NAV2: variants seen among roughly 807,000 people sequenced by gnomAD.
The protein encoded by NAV2 is helicase, APC down-regulated 1.
In NAV2, 54 loss-of-function variants were observed where a neutral mutation model predicts 223.2. That is an observed-to-expected ratio of 0.24 (90% CI 0.19 to 0.30). The LOEUF is 0.30. Among genes scored for constraint, NAV2 ranks in the 10% least tolerant of loss-of-function variants. The probability of loss-of-function intolerance (pLI) is 1.00; values close to 1 mark genes in which losing one functional copy is unlikely to be tolerated. For missense variants in NAV2, 2,806 were observed against 3,147.5 expected, an observed-to-expected ratio of 0.89 and a Z score of 2.60; for synonymous variants, 1,279 against 1,239.3, an observed-to-expected ratio of 1.03 and a Z score of -0.67.
intron 11 of NAV2, among the ~76,000 whole-genome samples, chr11:20,026,454 G>T (rs2055084125): frequency 6.6e-6 from 1 of 151,992 alleles, no homozygotes; most frequent in Admixed American, 6.5e-5. Context: ...AGGACTACAG[G>T]TGCCTGCCAC....
chr11:20,113,361 C>T (rs1291799306), intron 36 of NAV2, among the ~76,000 whole-genome samples: 6 of 152,164 alleles, frequency 3.9e-5, no homozygotes, highest in Non-Finnish European at 8.8e-5. Context: ...GTGTAATATA[C>T]AGAGCCTCGT....
chr11:19,654,951 G>T (rs552743168), intron 1 of NAV2, among the ~76,000 whole-genome samples: 18 of 152,136 alleles, frequency 1.2e-4, no homozygotes, highest in Non-Finnish European at 2.5e-4. Flanking sequence ...AGAGTGAACA[G>T]GCAACCTACA....
At chr11:19,397,156 C>A (rs1458608481) in intron 1 of NAV2, among the ~76,000 whole-genome samples, 2 of 152,114 alleles carry the variant, frequency 1.3e-5, no homozygotes, top group Non-Finnish European at 2.9e-5. Flanking sequence ...TTCTTAGCTG[C>A]TTAGAGGTCC....
At chr11:19,840,630 C>T (rs915684950) in intron 2 of NAV2, among the ~76,000 whole-genome samples, 10 of 152,136 alleles carry the variant, frequency 6.6e-5, no homozygotes, top group African/African-American at 2.4e-4. Flanking sequence ...GGTCAGAGCT[C>T]ATGCCTGCCA....
chr11:19,846,158 A>G (rs2060795431), intron 3 of NAV2, among the ~76,000 whole-genome samples: 1 of 152,232 alleles, frequency 6.6e-6, no homozygotes, highest in African/African-American at 2.4e-5. Context: ...GAGGATTCCA[A>G]GTGGAGACAG....
At chr11:19,517,953 C>A (rs1271312339) in intron 1 of NAV2, among the ~76,000 whole-genome samples, 2 of 152,214 alleles carry the variant, frequency 1.3e-5, no homozygotes, top group East Asian at 3.9e-4. Context: ...ACTATGTTTG[C>A]TGGGAACAAC....
chr11:19,933,937 C>A lies in NAV2; in HGVS notation c.1693C>A (p.Pro565Thr). Reference sequence around the variant, plus strand: ...CATGGCCCCTTCCCACAGTGGAATACCAAAACCAGGAATGAAAAGCATGCC... The same window carrying A: ...CATGGCCCCTTCCCACAGTGGAATAACAAAACCAGGAATGAAAAGCATGCC... ...EPMAPSHSGI[P>T]KPGMKSMPGK... Residue 565 changes from proline (P) to threonine (T), a missense_variant, in exon 7 of 38, where the codon CCA (proline) becomes ACA (threonine). By Grantham distance (38) the Pro-to-Thr change is conservative. This residue lies in a region of NAV2 where 1,167 missense variants were observed against 1,180.5 expected (regional missense o/e 0.99). Transcript: ENST00000349880. This position sits in a 1 kb window ranked among gnomAD's most constrained non-coding sequence, Gnocchi z 4.3. 1.3e-6 allele frequency: 2 copies of A among 1,594,740 alleles called. No individual in the cohort carries two copies. Among genetic ancestry groups the A allele is most frequent in the Admixed American group, 1.8e-5 (1 of 55,996 alleles).
At chr11:19,369,597 C>G (rs80155556) in intron 1 of NAV2, among the ~76,000 whole-genome samples, 2,832 of 152,192 alleles carry the variant, frequency 0.019, 76 homozygotes, top group African/African-American at 0.065. Context: ...TTTCTTTGAG[C>G]TAGGTGCCCT....
chr11:20,044,395 G>A, intron 13 of NAV2, 123 bp downstream of exon 13: 1 of 862,486 alleles, frequency 1.2e-6, no homozygotes, highest in Non-Finnish European at 1.7e-6. Flanking sequence ...CTAACAACGA[G>A]CTTCCATAAA....
chr11:20,024,996 T>C (rs1202419058), intron 11 of NAV2, among the ~76,000 whole-genome samples: 1 of 152,240 alleles, frequency 6.6e-6, no homozygotes, highest in African/African-American at 2.4e-5. Flanking sequence ...AGTTCTGAGT[T>C]CTTATATGAC....
At chr11:19,850,999 A>G (rs2061086676) in intron 3 of NAV2, among the ~76,000 whole-genome samples, 1 of 152,158 alleles carries the variant, frequency 6.6e-6, no homozygotes, top group Non-Finnish European at 1.5e-5. Flanking sequence ...ACACAGTAGC[A>G]CCTTTGTCCC....
At chr11:20,085,663 C>T (rs915344501) in intron 26 of NAV2, among the ~76,000 whole-genome samples, 1 of 152,230 alleles carries the variant, frequency 6.6e-6, no homozygotes, top group African/African-American at 2.4e-5. Context: ...CACTCCAAAC[C>T]CAGTGCAGAT....
At chr11:19,882,088 G>A (rs2063249598) in intron 5 of NAV2, among the ~76,000 whole-genome samples, 2 of 152,196 alleles carry the variant, frequency 1.3e-5, no homozygotes, top group Non-Finnish European at 2.9e-5. Context: ...AGGAAGCCAT[G>A]GGAAAGTCTT....
chr11:19,944,479 TCCTTTCCCCTTTCC>T lies in NAV2; in HGVS notation c.2147-1914_2147-1901del, dbSNP rs539011701. Among the ~76,000 whole-genome samples the T allele has an allele frequency of 8.1e-3, 1,235 of 151,720 alleles. 15 individuals carry two copies. The highest frequency in any genetic ancestry group is 0.029 in the African/African-American group (1,189 of 41,302). Reference sequence around the variant, plus strand: ...TCTCTTTCTTTCTTTTCTCTTCTTCTCCTTTCCCCTTTCCCCTTTCCTCTTTCCCCTTTCCCCTT... The same window carrying T: ...TCTCTTTCTTTCTTTTCTCTTCTTCTCCTTTCCTCTTTCCCCTTTCCCCTT... On this transcript the variant is annotated intron_variant, in intron 8 of 37. Coordinates refer to ENST00000349880, the MANE Select transcript of NAV2 (RefSeq NM_145117.5).
chr11:19,621,208 T>G (rs145647757), intron 1 of NAV2, among the ~76,000 whole-genome samples: 3 of 152,202 alleles, frequency 2.0e-5, no homozygotes, highest in Non-Finnish European at 4.4e-5. Flanking sequence ...TCAGGGATAT[T>G]GGTCTAAAAT....
At chr11:19,691,694 C>T (rs931044505) in intron 1 of NAV2, among the ~76,000 whole-genome samples, 1 of 152,176 alleles carries the variant, frequency 6.6e-6, no homozygotes, top group South Asian at 2.1e-4. Context: ...CTTGGTTCTT[C>T]CTTGGGTTTT....
At chr11:19,350,360 G>A (rs4393295), upstream of NAV2, among the ~76,000 whole-genome samples, 105,394 of 151,928 alleles carry the variant, frequency 0.69, 36,696 homozygotes, top group Middle Eastern at 0.73. Context: ...ACTGTTGAAC[G>A]TTTTCTCCTC....
chr11:19,972,836 G>A (rs889365379), intron 10 of NAV2, among the ~76,000 whole-genome samples: 8 of 152,180 alleles, frequency 5.3e-5, no homozygotes, highest in African/African-American at 1.9e-4. Context: ...ACCCAGGCTA[G>A]TGCCTGCCTC....
intron 14 of NAV2, among the ~76,000 whole-genome samples, chr11:20,048,024 G>A (rs778478856): frequency 1.3e-5 from 2 of 152,142 alleles, no homozygotes; most frequent in African/African-American, 2.4e-5. Flanking sequence ...ACGAGCAGGG[G>A]AGATGACATA....
Sources: allele counts gnomAD v4.1 joint callset (sites outside exome capture counted in the v4.1 genomes callset), GRCh38; gene constraint gnomAD v4.1.1; regional missense constraint gnomAD v4.1.1; non-coding constraint Gnocchi (gnomAD v3.1); transcripts MANE v1.5; gene names NCBI Gene and HGNC (gene_info 2026-07-23, HGNC 2026-07-21).